The following PARP11 variants were observed in gnomAD, a reference collection of about 807,000 sequenced individuals.
The protein encoded by PARP11 is poly(ADP-ribose) polymerase family member 11, also known as protein mono-ADP-ribosyltransferase PARP11.
PARP11 carries 31 observed loss-of-function variants against 42.9 expected under a neutral mutation model. The observed-to-expected ratio is 0.72, with a 90% CI of 0.54 to 0.98. The LOEUF (loss-of-function observed/expected upper bound fraction) is 0.98, where lower values mean the gene tolerates loss of function less well. PARP11 is among the 50% of genes least tolerant of loss of function. The probability of loss-of-function intolerance (pLI) is 0.00; values close to 1 mark genes in which losing one functional copy is unlikely to be tolerated. For missense variants in PARP11, 365 were observed against 413.1 expected, an observed-to-expected ratio of 0.88 and a Z score of 1.01; for synonymous variants, 137 against 127.3, an observed-to-expected ratio of 1.08 and a Z score of -0.51.
intron 1 of PARP11, among the ~76,000 whole-genome samples, chr12:3,846,511 C>T (rs1948000080): frequency 6.6e-6 from 1 of 152,070 alleles, no homozygotes; most frequent in Non-Finnish European, 1.5e-5. Flanking sequence ...AATCCCAGCA[C>T]TTTGGGAGGC....
chr12:3,826,327 G>T, intron 3 of PARP11, 94 bp from the exon 4 acceptor site: 2 of 848,072 alleles, frequency 2.4e-6, no homozygotes, highest in Non-Finnish European at 3.5e-6. Context: ...CGATGATCAG[G>T]AATCATGGAG....
In PARP11 at chr12:3,809,292, TA is replaced by T. The variant is rs1328670870; in HGVS notation, c.*2830del. ...TTACCAAAACAAAGAAATAAAATTT[TA>T]ACATCCATTAACTCTGTACTATCAT... On this transcript the variant is annotated 3_prime_UTR_variant, in exon 8 of 8. Coordinates refer to ENST00000228820, the MANE Select transcript of PARP11 (RefSeq NM_020367.6). 2.0e-5 allele frequency: 3 copies of T among 152,204 alleles called. No homozygotes were observed. The highest frequency in any genetic ancestry group is 4.4e-5 in the Non-Finnish European group (3 of 68,032). The allele number at this position is 152,204 out of a possible 1,614,324, so 9.4% of individuals were successfully genotyped here. A position where few individuals can be genotyped will look rare whatever the true frequency, so the allele number is the denominator to read the frequency against.
At chr12:3,843,801 C>T (rs1947941582) in intron 1 of PARP11, among the ~76,000 whole-genome samples, 1 of 152,140 alleles carries the variant, frequency 6.6e-6, no homozygotes, top group African/African-American at 2.4e-5. Flanking sequence ...GCTTATATTC[C>T]TTATTTGTAC....
Position 3,829,997 on chromosome 12 carries a change from C to A in PARP11, c.40G>T (p.Glu14Ter), listed in dbSNP as rs142910026. The change falls in exon 2 of 8, where the codon GAA (glutamate) becomes TAA (stop). Residue 14 changes from glutamate (E) to a stop codon, truncating the protein, a stop_gained. Coordinates refer to ENST00000228820, the MANE Select transcript of PARP11 (RefSeq NM_020367.6). LOFTEE classifies it high-confidence loss of function. ...ANPEMFHKAE[E>*]LFSKTTNNEV... ...TTGTTTGTTGTTTTAGAAAATAATT[C>A]TTCTGCTTTGTGAAACATCTCCTGA... 1.6e-4 allele frequency: 264 copies of A among 1,613,606 alleles called. No individual in the cohort carries two copies. Among genetic ancestry groups the A allele is most frequent in the Non-Finnish European group, 2.1e-4 (252 of 1,179,694 alleles).
intron 4 of PARP11, among the ~76,000 whole-genome samples, chr12:3,823,310 T>C (rs972435127): frequency 6.6e-6 from 1 of 152,216 alleles, no homozygotes; most frequent in African/African-American, 2.4e-5. Context: ...AATTAGTTTC[T>C]TGGGTATTCT....
Position 3,810,031 on chromosome 12 carries a change from G to A in PARP11, c.*2092C>T, listed in dbSNP as rs1374525543. The A allele has an allele frequency of 6.6e-6, 1 of 152,164 alleles. No individual in the cohort carries two copies. Among genetic ancestry groups the A allele is most frequent in the East Asian group, 1.9e-4 (1 of 5,202 alleles). The allele number at this position is 152,164 out of a possible 1,614,324, so 9.4% of individuals were successfully genotyped here. The stretch of plus-strand genomic sequence containing the variant: ...ATGCTGGTCTATAACGGAAATCTGG[G>A]ATAGATGGCACTTTAAGAATTACTA... On this transcript the variant is annotated 3_prime_UTR_variant, in exon 8 of 8. Coordinates refer to ENST00000228820, the MANE Select transcript of PARP11 (RefSeq NM_020367.6).
chr12:3,848,618 A>T (rs1458653429), intron 1 of PARP11, among the ~76,000 whole-genome samples: 1 of 152,170 alleles, frequency 6.6e-6, no homozygotes, highest in Non-Finnish European at 1.5e-5. Flanking sequence ...CAGAAGAATA[A>T]AACTATACCA....
chr12:3,811,357 A>G lies in PARP11; in HGVS notation c.*766T>C, dbSNP rs1947174238. ...TAAAGTTTCACTTTGAAGATGCAAT[A>G]AACACCTTGCACAGCAAGTCGTGGT... On this transcript the variant is annotated 3_prime_UTR_variant, in exon 8 of 8. Coordinates refer to ENST00000228820, the MANE Select transcript of PARP11 (RefSeq NM_020367.6). 6.6e-6 allele frequency: 1 copy of G among 152,254 alleles called. No homozygotes were observed. The allele number at this position is 152,254 out of a possible 1,614,324, so 9.4% of individuals were successfully genotyped here.
At chr12:3,824,986 C>T (rs1002028815) in intron 4 of PARP11, among the ~76,000 whole-genome samples, 10 of 152,074 alleles carry the variant, frequency 6.6e-5, no homozygotes, top group African/African-American at 1.7e-4. Flanking sequence ...AAAATAAATG[C>T]TAAAATAAAA....
chr12:3,872,417 A>G, intron 1 of PARP11: 2 of 498,350 alleles, frequency 4.0e-6, no homozygotes, highest in Non-Finnish European at 5.2e-6. Flanking sequence ...TGGTGAGGAA[A>G]GGTACTAAAG....
chr12:3,852,196 C>T lies in PARP11; in HGVS notation c.18+21016G>A, dbSNP rs143476201. ...ATGGGGAAAAACCAGAGCAGAAAAGCTGAAAATTCTAAAAACCAGAGCACC... is the reference window on the plus strand; with the variant it reads ...ATGGGGAAAAACCAGAGCAGAAAAGTTGAAAATTCTAAAAACCAGAGCACC... On this transcript the variant is annotated intron_variant, in intron 1 of 7. Transcript: ENST00000228820. Among the ~76,000 whole-genome samples, 41 of 152,292 alleles carry T rather than the reference C, an allele frequency of 2.7e-4. No individual in the cohort carries two copies. In the East Asian group the frequency reaches 7.5e-3, roughly 28 times the overall value.
chr12:3,831,057 C>A (rs1262689796), intron 1 of PARP11, among the ~76,000 whole-genome samples: 1 of 152,184 alleles, frequency 6.6e-6, no homozygotes, highest in Non-Finnish European at 1.5e-5. Context: ...TTCCTGTCCT[C>A]ATTCTTTGAG....
intron 3 of PARP11, among the ~76,000 whole-genome samples, chr12:3,826,868 C>T (rs138055592): frequency 6.6e-6 from 1 of 152,270 alleles, no homozygotes; most frequent in Non-Finnish European, 1.5e-5. Context: ...CCAATATTTA[C>T]CAGGTCCATT....
chr12:3,839,240 C>T (rs1441849038), intron 1 of PARP11, among the ~76,000 whole-genome samples: 1 of 150,752 alleles, frequency 6.6e-6, no homozygotes, highest in Non-Finnish European at 1.5e-5. Context: ...GGGCGTCGAG[C>T]AGCCGGCGGC....
At chr12:3,832,708 T>C (rs1241021087) in intron 1 of PARP11, among the ~76,000 whole-genome samples, 1 of 152,230 alleles carries the variant, frequency 6.6e-6, no homozygotes, top group African/African-American at 2.4e-5. Flanking sequence ...AGAATGGCTC[T>C]AGGCTAGGAC....
chr12:3,864,324 T>C (rs150728174), intron 1 of PARP11, among the ~76,000 whole-genome samples: 212 of 152,290 alleles, frequency 1.4e-3, no homozygotes, highest in African/African-American at 4.9e-3. Flanking sequence ...TATGTTAGAT[T>C]TGAGTTGCTA....
chr12:3,822,516 G>A lies in PARP11; in HGVS notation c.345-359C>T, dbSNP rs528693742. On this transcript the variant is annotated intron_variant, in intron 4 of 7. Coordinates refer to ENST00000228820, the MANE Select transcript of PARP11 (RefSeq NM_020367.6). Reference sequence around the variant, plus strand: ...CGGGAGGCTGAGGCAGGAGAATGGCGTGAACCCGGGAGGCGGAGCTTGCAG... The same window carrying A: ...CGGGAGGCTGAGGCAGGAGAATGGCATGAACCCGGGAGGCGGAGCTTGCAG... 2.7e-3 allele frequency among the ~76,000 whole-genome samples: 406 copies of A among 148,800 alleles called. 9 individuals are homozygous for A. Among genetic ancestry groups the A allele is most frequent in the African/African-American group, 8.8e-3 (351 of 39,668 alleles).
rs572016027 is a variant in PARP11 at position 3,841,903 on chromosome 12, G to T, written c.19-11885C>A. On this transcript the variant is annotated intron_variant, in intron 1 of 7. Coordinates refer to ENST00000228820, the MANE Select transcript of PARP11 (RefSeq NM_020367.6). ...TTGTGGTTCAGTTTCCACAGTAGATGAGTTTCCAGCAGCCAGGAGTGAACA... is the reference window on the plus strand; with the variant it reads ...TTGTGGTTCAGTTTCCACAGTAGATTAGTTTCCAGCAGCCAGGAGTGAACA... 46 of 1,608,050 alleles carry T rather than the reference G, an allele frequency of 2.9e-5. No individual in the cohort carries two copies. The African/African-American group carries it at 5.6e-4, about 20-fold the overall frequency.
chr12:3,872,181 C>T (rs566920902), intron 1 of PARP11, among the ~76,000 whole-genome samples: 5 of 152,212 alleles, frequency 3.3e-5, no homozygotes, highest in African/African-American at 1.2e-4. Context: ...AACAAACAGA[C>T]CTTGCTGGGC....
Sources: allele counts gnomAD v4.1 joint callset (sites outside exome capture counted in the v4.1 genomes callset), GRCh38; gene constraint gnomAD v4.1.1; transcripts MANE v1.5; gene names NCBI Gene and HGNC (gene_info 2026-07-23, HGNC 2026-07-21).